TUBA3D: variants seen among roughly 807,000 people sequenced by gnomAD.
TUBA3D encodes the protein tubulin alpha 3d.
In TUBA3D, 24 loss-of-function variants were observed where a neutral mutation model predicts 36.1. That is an observed-to-expected ratio of 0.66 (90% confidence interval 0.48 to 0.93). TUBA3D has a LOEUF of 0.93. Among genes scored for constraint, TUBA3D ranks in the 40% least tolerant of loss-of-function variants. TUBA3D has a pLI of 0.00. For missense variants in TUBA3D, 356 were observed against 614.5 expected (o/e 0.58, Z 4.45); for synonymous variants, 185 against 247.2 (o/e 0.75, Z 2.36).
chr2:131,482,888 T>C lies in TUBA3D; in HGVS notation c.*40T>C, dbSNP rs367652860. The C allele has an allele frequency of 1.3e-6, 2 of 1,590,046 alleles. No homozygotes were observed. Among genetic ancestry groups the C allele is most frequent in the East Asian group, 4.5e-5 (2 of 44,636 alleles). On this transcript the variant is annotated 3_prime_UTR_variant, in exon 5 of 5. Transcript: ENST00000321253. Reference sequence around the variant, plus strand: ...GGGTTCTCCCCTGCCACCCCCGGGATGGCTGCTTCCAAGTTGTTTGCAATT... The same window carrying C: ...GGGTTCTCCCCTGCCACCCCCGGGACGGCTGCTTCCAAGTTGTTTGCAATT...
Position 131,478,286 on chromosome 2 carries a change from T to C in TUBA3D, c.126T>C (p.Ile42=), listed in dbSNP as rs1368582904. 1 of 1,613,996 alleles carries C rather than the reference T, an allele frequency of 6.2e-7. No individual in the cohort carries two copies. The change falls in exon 2 of 5, where the codon ATT becomes ATC. Residue 42 remains isoleucine (I), a synonymous_variant. Coordinates refer to ENST00000321253, the MANE Select transcript of TUBA3D (RefSeq NM_080386.4). The part of the protein sequence containing the change: ...PDGQMPSDKT[I]GGGDDSFNTF... ...GCCAAATGCCAAGTGATAAAACCAT[T>C]GGTGGCGGGGACGACTCCTTCAACA...
chr2:131,482,904 G>A lies in TUBA3D; in HGVS notation c.*56G>A. 6.3e-7 allele frequency: 1 copy of A among 1,575,992 alleles called. No homozygotes were observed. The highest frequency in any genetic ancestry group is 8.6e-7 in the Non-Finnish European group (1 of 1,161,052). ...CCCCCGGGATGGCTGCTTCCAAGTT[G>A]TTTGCAATTAAAGGTTCTGTATAAA... On this transcript the variant is annotated 3_prime_UTR_variant, in exon 5 of 5. Transcript: ENST00000321253.
At chr2:131,479,059 C>T (rs1033636121) in intron 2 of TUBA3D, among the ~76,000 whole-genome samples, 2 of 152,360 alleles carry the variant, frequency 1.3e-5, no homozygotes, top group African/African-American at 2.4e-5. Flanking sequence ...TATTTCCTTT[C>T]ACTGGGAACT....
At chr2:131,478,913 G>A (rs929350805) in intron 2 of TUBA3D, 9 of 215,664 alleles carry the variant, frequency 4.2e-5, no homozygotes, top group Non-Finnish European at 5.5e-5. Context: ...GGTCATCCAG[G>A]GTGCCCTGAT....
rs769192454 is a variant in TUBA3D, at chr2:131,480,160, G to A, written c.467G>A (p.Arg156Gln). ...GSGFASLLMERLSVDYGKKSK... is the reference protein window; with the variant it reads ...GSGFASLLMEQLSVDYGKKSK... The stretch of plus-strand genomic sequence containing the variant: ...GGGTTCGCATCTCTGCTCATGGAGC[G>A]GCTCTCAGTGGATTACGGCAAGAAG... Residue 156 changes from arginine (R) to glutamine (Q), a missense_variant, in exon 4 of 5, where the codon CGG becomes CAG. Around this residue, in one of 3 missense-constraint regions of TUBA3D, gnomAD observed 91 missense variants for 240.9 expected, o/e 0.38. Coordinates refer to ENST00000321253, the MANE Select transcript of TUBA3D (RefSeq NM_080386.4). The A allele has an allele frequency of 9.9e-6, 16 of 1,613,684 alleles. No homozygotes were observed. The highest frequency in any genetic ancestry group is 2.7e-5 in the African/African-American group (2 of 74,712).
At chr2:131,477,775 G>C (rs1318842635) in intron 1 of TUBA3D, among the ~76,000 whole-genome samples, 1 of 151,970 alleles carries the variant, frequency 6.6e-6, no homozygotes, top group Non-Finnish European at 1.5e-5. Flanking sequence ...GACCTACTCT[G>C]TATTTCCTTA....
Position 131,480,543 on chromosome 2 carries a change from G to A in TUBA3D, c.850G>A (p.Glu284Lys). 1 of 1,608,316 alleles carries A rather than the reference G, an allele frequency of 6.2e-7. No homozygotes were observed. Among genetic ancestry groups the A allele is most frequent in the Non-Finnish European group, 8.5e-7 (1 of 1,179,200 alleles). The change falls in exon 4 of 5, where the codon GAG becomes AAG. Residue 284 changes from glutamate (E) to lysine (K), a missense_variant. By Grantham distance (56) the Glu-to-Lys change is moderately conservative. Coordinates refer to ENST00000321253, the MANE Select transcript of TUBA3D (RefSeq NM_080386.4). ...PVISAEKAYH[E>K]QLSVAEITNA... ...CATCTCAGCTGAGAAGGCCTACCAC[G>A]AGCAGCTGTCTGTGGCCGAGATCAC... is the stretch of plus-strand genomic sequence containing the variant.
chr2:131,476,174 G>A lies in TUBA3D; in HGVS notation c.-26G>A. The A allele has an allele frequency of 2.5e-6, 4 of 1,613,862 alleles. No homozygotes were observed. The highest frequency in any genetic ancestry group is 1.7e-5 in the Admixed American group (1 of 60,028). ...CAGCCGGTTGAGGTCTGGCAGTAGC[G>A]TTGGGCTGAAGCAGCGGAGTTCGCC... On this transcript the variant is annotated 5_prime_UTR_variant, in exon 1 of 5. Transcript: ENST00000321253.
Position 131,480,803 on chromosome 2 carries a change from C to T in TUBA3D, c.1056+54C>T, listed in dbSNP as rs1678837577. The T allele has an allele frequency of 1.8e-5, 28 of 1,576,926 alleles. No homozygotes were observed. The South Asian group carries it at 3.0e-4, about 17-fold the overall frequency. On this transcript the variant is annotated intron_variant, in intron 4 of 4. Coordinates refer to ENST00000321253, the MANE Select transcript of TUBA3D (RefSeq NM_080386.4). ...AGCAAGCAGCAGATGCACAAAATAA[C>T]ACTGGCCCTGAAGGCCCACATCCTT...
At chr2:131,480,026 T>A (rs1678799394) in intron 3 of TUBA3D, 43 bp from the exon 4 acceptor site, 2 of 1,533,646 alleles carry the variant, frequency 1.3e-6, no homozygotes. Flanking sequence ...GTTGGTGGTG[T>A]GGCTTCCATG....
At chr2:131,482,105 T>C (rs1222043223) in intron 4 of TUBA3D, among the ~76,000 whole-genome samples, 2 of 152,248 alleles carry the variant, frequency 1.3e-5, no homozygotes, top group African/African-American at 4.8e-5. Context: ...TACCTTTGCA[T>C]ATCCACAGTG....
Position 131,480,219 on chromosome 2 carries a change from C to G in TUBA3D, c.526C>G (p.Gln176Glu). 1 of 1,613,960 alleles carries G rather than the reference C, an allele frequency of 6.2e-7. No homozygotes were observed. The highest frequency in any genetic ancestry group is 8.5e-7 in the Non-Finnish European group (1 of 1,180,036). ...KLEFAIYPAP[Q>E]VSTAVVEPYN... ...AGAGTTTGCCATTTACCCAGCCCCC[C>G]AGGTCTCCACAGCCGTGGTGGAGCC... The change falls in exon 4 of 5, where the codon CAG becomes GAG. Residue 176 changes from glutamine (Q) to glutamate (E), a missense_variant. Gln to Glu is a conservative substitution (Grantham distance 29, BLOSUM62 2). Transcript: ENST00000321253.
intron 1 of TUBA3D, among the ~76,000 whole-genome samples, chr2:131,477,369 C>T (rs1469201313): frequency 6.6e-6 from 1 of 152,162 alleles, no homozygotes; most frequent in Non-Finnish European, 1.5e-5. Context: ...AAGGACAGTG[C>T]AGTGTCCCAG....
At position 131,480,320 on chromosome 2, in the gene TUBA3D, C is replaced by T. The variant is rs759692672; in HGVS notation, c.627C>T (p.Ile209=). The change falls in exon 4 of 5, where the codon ATC becomes ATT. Residue 209 remains isoleucine (I), a synonymous_variant. Coordinates refer to ENST00000321253, the MANE Select transcript of TUBA3D (RefSeq NM_080386.4). ...DCAFMVDNEA[I]YDICRRNLDI... Reference sequence around the variant, plus strand: ...CCTTCATGGTCGACAATGAAGCCATCTATGACATATGTCGGCGCAACCTGG... The same window carrying T: ...CCTTCATGGTCGACAATGAAGCCATTTATGACATATGTCGGCGCAACCTGG... The T allele has an allele frequency of 1.2e-6, 2 of 1,613,108 alleles. No homozygotes were observed. Among genetic ancestry groups the T allele is most frequent in the Non-Finnish European group, 1.7e-6 (2 of 1,180,026 alleles).
chr2:131,477,527 AG>A (rs1262678536), intron 1 of TUBA3D, among the ~76,000 whole-genome samples: 1 of 150,806 alleles, frequency 6.6e-6, no homozygotes, highest in Non-Finnish European at 1.5e-5. Context: ...GCAGTTGAGC[AG>A]GAAGGGGCCA....
At chr2:131,477,593 C>CT (rs1175270679) in intron 1 of TUBA3D, among the ~76,000 whole-genome samples, 10 of 150,916 alleles carry the variant, frequency 6.6e-5, no homozygotes, top group Non-Finnish European at 1.0e-4. Flanking sequence ...CCACTGCTGC[C>CT]TGCCATTGAC....
chr2:131,481,312 A>G (rs1678855468), intron 4 of TUBA3D, among the ~76,000 whole-genome samples: 3 of 151,872 alleles, frequency 2.0e-5, no homozygotes, highest in African/African-American at 7.3e-5. Flanking sequence ...TTTGTCCCCC[A>G]GGCTGTAGTA....
intron 4 of TUBA3D, among the ~76,000 whole-genome samples, chr2:131,482,077 C>T (rs2261371): frequency 6.6e-6 from 1 of 152,180 alleles, no homozygotes; most frequent in Non-Finnish European, 1.5e-5. Flanking sequence ...TTCATATGAC[C>T]CTTGACCCAT....
Position 131,476,124 on chromosome 2 carries a change from G to A in TUBA3D, c.-76G>A. The A allele has an allele frequency of 6.2e-7, 1 of 1,611,092 alleles. No individual in the cohort carries two copies. The highest frequency in any genetic ancestry group is 1.1e-5 in the South Asian group (1 of 90,772). On this transcript the variant is annotated 5_prime_UTR_variant, in exon 1 of 5. Transcript: ENST00000321253. ...GTGCGGCGCGCACAGGCAGGAGGTTGCAGTTGGGCGCTCAGCAGCTGTGGC... is the reference window on the plus strand; with the variant it reads ...GTGCGGCGCGCACAGGCAGGAGGTTACAGTTGGGCGCTCAGCAGCTGTGGC...
Sources: allele counts gnomAD v4.1 joint callset (sites outside exome capture counted in the v4.1 genomes callset), GRCh38; gene constraint gnomAD v4.1.1; regional missense constraint gnomAD v4.1.1; transcripts MANE v1.5; gene names NCBI Gene and HGNC (gene_info 2026-07-23, HGNC 2026-07-21).